The following EPYC variants were observed in gnomAD, a reference collection of about 807,000 sequenced individuals.
The protein encoded by EPYC is epiphycan.
In EPYC, 28 loss-of-function variants were observed where a neutral mutation model predicts 30.1. The ratio of observed to expected loss-of-function variants is 0.93; its 90% CI spans 0.69 to 1.28. EPYC has a LOEUF of 1.28. EPYC is among the 50% of genes most tolerant of loss of function. EPYC has a pLI of 0.00. For synonymous variants in EPYC, 144 were observed against 141.4 expected, an observed-to-expected ratio of 1.02 and a Z score of -0.13; for missense variants, 382 against 383.5, an observed-to-expected ratio of 1.00 and a Z score of 0.03.
At chr12:90,978,927 T>C (rs1344522320) in intron 2 of EPYC, among the ~76,000 whole-genome samples, 1 of 152,174 alleles carries the variant, frequency 6.6e-6, no homozygotes, top group Non-Finnish European at 1.5e-5. Flanking sequence ...AATATTGTAA[T>C]GATATCTAGG....
At chr12:90,985,681 G>GC (rs1877432421) in intron 2 of EPYC, among the ~76,000 whole-genome samples, 1 of 152,082 alleles carries the variant, frequency 6.6e-6, no homozygotes, top group South Asian at 2.1e-4. Flanking sequence ...GAAACAAGCT[G>GC]CCCCCTTGCC....
intron 3 of EPYC, 46 bp downstream of exon 3, chr12:90,978,042 G>A: frequency 6.8e-7 from 1 of 1,481,354 alleles, no homozygotes; most frequent in Non-Finnish European, 8.9e-7. Context: ...CAGTTTTGAG[G>A]ATGACAAAGT....
At chr12:90,978,561 A>G (rs1877252030) in intron 2 of EPYC, among the ~76,000 whole-genome samples, 1 of 151,614 alleles carries the variant, frequency 6.6e-6, no homozygotes, top group Admixed American at 6.6e-5. Flanking sequence ...AAAAAAGCTC[A>G]TTTATTGTTT....
At chr12:90,972,374 C>T (rs546054646) in intron 4 of EPYC, among the ~76,000 whole-genome samples, 2 of 152,280 alleles carry the variant, frequency 1.3e-5, no homozygotes, top group East Asian at 3.9e-4. Flanking sequence ...CACTTTATGA[C>T]AACACATACC....
intron 2 of EPYC, among the ~76,000 whole-genome samples, chr12:90,996,499 T>TA (rs1047566992): frequency 6.6e-6 from 1 of 151,864 alleles, no homozygotes; most frequent in African/African-American, 2.4e-5. Flanking sequence ...TAAAGACAAA[T>TA]AAAAAGAAAC....
In EPYC at chr12:90,999,074, T is replaced by G. The variant is rs538861501; in HGVS notation, c.165+3327A>C. Reference sequence around the variant, plus strand: ...TCAAATTTTGACTCTGACATCAAGATGCTGATTTAAACATCTCATGAGTTT... The same window carrying G: ...TCAAATTTTGACTCTGACATCAAGAGGCTGATTTAAACATCTCATGAGTTT... On this transcript the variant is annotated intron_variant, in intron 2 of 6. Coordinates refer to ENST00000261172, the MANE Select transcript of EPYC (RefSeq NM_004950.5). Among the ~76,000 whole-genome samples, 3 of 152,248 alleles carry G rather than the reference T, an allele frequency of 2.0e-5. No homozygotes were observed. The South Asian group carries it at 6.2e-4, about 32-fold the overall frequency.
rs1555214972 is a variant in EPYC, at chr12:90,974,038, T to TCTCACACA, written c.341-1059_341-1058insTGTGTGAG. Among the ~76,000 whole-genome samples, 6 of 140,366 alleles carry TCTCACACA rather than the reference T, an allele frequency of 4.3e-5. No homozygotes were observed. In the East Asian group the frequency reaches 8.2e-4, roughly 19 times the overall value. The allele number at this position is 140,366 out of a possible 152,430, so 92.1% of individuals were successfully genotyped here. ...TTTTTCTTTTCTGTCTTACACACAC[T>TCTCACACA]CACACACACACACACACACACACAC... On this transcript the variant is annotated intron_variant, in intron 3 of 6. Transcript: ENST00000261172.
At chr12:90,982,799 C>A (rs1433698774) in intron 2 of EPYC, among the ~76,000 whole-genome samples, 2 of 152,078 alleles carry the variant, frequency 1.3e-5, no homozygotes, top group Non-Finnish European at 2.9e-5. Flanking sequence ...TTCATCCATG[C>A]TATCTCAAAT....
chr12:91,002,772 A>T (rs1877862679), intron 1 of EPYC, among the ~76,000 whole-genome samples, 194 bp from the exon 2 acceptor site: 3 of 152,060 alleles, frequency 2.0e-5, no homozygotes, highest in Admixed American at 2.0e-4. Flanking sequence ...GTTCAAATTA[A>T]TTCACAAACC....
At chr12:90,982,291 G>A (rs562239139) in intron 2 of EPYC, among the ~76,000 whole-genome samples, 1 of 152,170 alleles carries the variant, frequency 6.6e-6, no homozygotes, top group Admixed American at 6.5e-5. Flanking sequence ...ACAGCTTTAT[G>A]GAGATGTAAT....
rs1877048778 is a variant in EPYC at position 90,971,691 on chromosome 12, TAAATAAA to T, written c.702+102_702+108del. 4 of 346,522 alleles carry T rather than the reference TAAATAAA, an allele frequency of 1.2e-5. No individual in the cohort carries two copies. In the Admixed American group the frequency reaches 1.5e-4, roughly 13 times the overall value. 21.5% of individuals were successfully genotyped at this position (346,522 alleles called of 1,614,324 possible). ...CTATCTCAATAAATAAATAAATAAA[TAAATAAA>T]TAAATAAATAAATTTATTTTCCCTA... On this transcript the variant is annotated intron_variant, in intron 5 of 6. Coordinates refer to ENST00000261172, the MANE Select transcript of EPYC (RefSeq NM_004950.5).
rs184822673 is a variant in EPYC at position 90,985,792 on chromosome 12, C to T, written c.166-7530G>A. ...CTAACTAGATGATCCAATGACAGGA[C>T]TGAGGGTGTCTGGGGCAAGCACCAG... On this transcript the variant is annotated intron_variant, in intron 2 of 6. Coordinates refer to ENST00000261172, the MANE Select transcript of EPYC (RefSeq NM_004950.5). 3.0e-3 allele frequency among the ~76,000 whole-genome samples: 458 copies of T among 152,214 alleles called. 4 individuals carry two copies. The highest frequency in any genetic ancestry group is 0.011 in the African/African-American group (442 of 41,554).
chr12:90,991,942 T>A (rs1188017415), intron 2 of EPYC, among the ~76,000 whole-genome samples: 1 of 152,070 alleles, frequency 6.6e-6, no homozygotes, highest in Non-Finnish European at 1.5e-5. Context: ...TGTGGTAAGT[T>A]TTTTACTAGG....
intron 2 of EPYC, among the ~76,000 whole-genome samples, chr12:90,990,762 A>C (rs917164408): frequency 6.6e-6 from 1 of 152,152 alleles, no homozygotes. Flanking sequence ...CTTTAAATAT[A>C]TTAGCTCTCA....
chr12:90,968,029 A>T (rs150465886), intron 6 of EPYC, among the ~76,000 whole-genome samples: 1 of 152,250 alleles, frequency 6.6e-6, no homozygotes, highest in Non-Finnish European at 1.5e-5. Context: ...ATTACTATTG[A>T]ACTGCCTATT....
intron 2 of EPYC, among the ~76,000 whole-genome samples, chr12:90,980,587 A>C (rs1592626643): frequency 1.3e-5 from 2 of 152,154 alleles, no homozygotes; most frequent in African/African-American, 4.8e-5. Context: ...CACATGCACA[A>C]AAAATAGTCC....
At chr12:91,002,645 G>A (rs1271280184) in intron 1 of EPYC, 67 bp from the exon 2 acceptor site, 3 of 1,249,868 alleles carry the variant, frequency 2.4e-6, no homozygotes, top group African/African-American at 3.1e-5. Context: ...GCACTAAATA[G>A]AAATGATAAA....
chr12:90,985,683 C>T (rs1877432502), intron 2 of EPYC, among the ~76,000 whole-genome samples: 2 of 151,704 alleles, frequency 1.3e-5, no homozygotes, highest in African/African-American at 2.4e-5. Context: ...AACAAGCTGC[C>T]CCCTTGCCCA....
At chr12:90,994,098 T>A (rs143302631) in intron 2 of EPYC, among the ~76,000 whole-genome samples, 33 of 152,276 alleles carry the variant, frequency 2.2e-4, no homozygotes, top group African/African-American at 7.9e-4. Flanking sequence ...ACTACTAGAC[T>A]GAGAATGCCA....
Sources: allele counts gnomAD v4.1 joint callset (sites outside exome capture counted in the v4.1 genomes callset), GRCh38; gene constraint gnomAD v4.1.1; transcripts MANE v1.5; gene names NCBI Gene and HGNC (gene_info 2026-07-23, HGNC 2026-07-21).